SMYD3: variants seen among roughly 807,000 people sequenced by gnomAD.
The protein encoded by SMYD3 is SET and MYND domain containing 3.
SMYD3 carries 36 observed loss-of-function variants against 57.7 expected under a neutral mutation model. The ratio of observed to expected loss-of-function variants is 0.62; its 90% CI spans 0.48 to 0.82. SMYD3 has a LOEUF of 0.82. Among genes scored for constraint, SMYD3 ranks in the 40% least tolerant of loss-of-function variants. SMYD3 has a pLI of 0.00. For missense variants in SMYD3, 515 were observed against 538.8 expected (o/e 0.96, Z 0.44); for synonymous variants, 211 against 195.0 (o/e 1.08, Z -0.68).
At chr1:245,840,955 C>A (rs2362913) in intron 10 of SMYD3, among the ~76,000 whole-genome samples, 82,115 of 152,140 alleles carry the variant, frequency 0.54, 24,783 homozygotes, top group Non-Finnish European at 0.69. Context: ...TAGCTGCGCA[C>A]TTCCAAACTA....
At chr1:246,435,396 G>C (rs1404968663) in intron 1 of SMYD3, among the ~76,000 whole-genome samples, 1 of 151,852 alleles carries the variant, frequency 6.6e-6, no homozygotes, top group Non-Finnish European at 1.5e-5. Context: ...TTTTTCCAAA[G>C]AGGTTTCACG....
intron 8 of SMYD3, among the ~76,000 whole-genome samples, chr1:245,895,456 C>A (rs1323307482): frequency 6.6e-6 from 1 of 152,102 alleles, no homozygotes; most frequent in East Asian, 1.9e-4. Flanking sequence ...ATCATCCCAC[C>A]AGGAGACAGT....
At chr1:246,416,300 T>C (rs1290394756) in intron 1 of SMYD3, among the ~76,000 whole-genome samples, 1 of 152,222 alleles carries the variant, frequency 6.6e-6, no homozygotes, top group Non-Finnish European at 1.5e-5. Context: ...AAAAAAGTTT[T>C]ACATTACAGA....
intron 5 of SMYD3, among the ~76,000 whole-genome samples, chr1:246,066,408 T>A (rs2060340274): frequency 6.6e-6 from 1 of 152,214 alleles, no homozygotes; most frequent in South Asian, 2.1e-4. Context: ...TAAGAATTAG[T>A]CTTCCAATAT....
In SMYD3 at chr1:246,140,121, T is replaced by C. The variant is rs140718892; in HGVS notation, c.531+187080A>G. ...TCAAAAGGATCATGAAGAATGCACA[T>C]ATATACAAATGAGAAGACTTGCCAG... On this transcript the variant is annotated intron_variant, in intron 5 of 11. Transcript: ENST00000490107. 1.3e-4 allele frequency among the ~76,000 whole-genome samples: 20 copies of C among 152,360 alleles called. No individual in the cohort carries two copies. The East Asian group carries it at 3.3e-3, about 25-fold the overall frequency.
At chr1:245,959,868 T>G (rs1165869975) in intron 5 of SMYD3, among the ~76,000 whole-genome samples, 1 of 152,132 alleles carries the variant, frequency 6.6e-6, no homozygotes, top group Non-Finnish European at 1.5e-5. Context: ...GGCCTGGACC[T>G]CCCAGGCTCA....
At chr1:246,382,838 C>T (rs558982345) in intron 1 of SMYD3, among the ~76,000 whole-genome samples, 1 of 152,080 alleles carries the variant, frequency 6.6e-6, no homozygotes, top group Non-Finnish European at 1.5e-5. Flanking sequence ...GGCACCCAGA[C>T]AATCCTAGTG....
At chr1:246,207,090 TA>T (rs1222705042) in intron 5 of SMYD3, among the ~76,000 whole-genome samples, 1 of 152,106 alleles carries the variant, frequency 6.6e-6, no homozygotes, top group African/African-American at 2.4e-5. Flanking sequence ...TCAGATTACC[TA>T]AAATGAACAT....
intron 5 of SMYD3, among the ~76,000 whole-genome samples, chr1:246,285,835 G>A (rs1421875519): frequency 2.0e-5 from 3 of 152,128 alleles, no homozygotes; most frequent in South Asian, 2.1e-4. Context: ...CTAAGGATAC[G>A]AATAGACAAT....
At chr1:245,850,464 C>T (rs1042075243) in intron 10 of SMYD3, among the ~76,000 whole-genome samples, 4 of 151,996 alleles carry the variant, frequency 2.6e-5, no homozygotes, top group Admixed American at 2.0e-4. Context: ...GGCCAAGGTG[C>T]GAGGATCACT....
At chr1:246,134,574 A>G (rs2148080150) in intron 5 of SMYD3, among the ~76,000 whole-genome samples, 1 of 152,242 alleles carries the variant, frequency 6.6e-6, no homozygotes, top group Non-Finnish European at 1.5e-5. Context: ...ATATCTGTAC[A>G]TACATGTGCT....
intron 5 of SMYD3, among the ~76,000 whole-genome samples, chr1:246,221,386 A>T (rs1169398281): frequency 6.6e-6 from 1 of 152,182 alleles, no homozygotes; most frequent in Non-Finnish European, 1.5e-5. Flanking sequence ...GACCCACCGA[A>T]TGGTGAGGCT....
At chr1:246,434,166 A>G (rs567086145) in intron 1 of SMYD3, among the ~76,000 whole-genome samples, 45 of 152,366 alleles carry the variant, frequency 3.0e-4, no homozygotes, top group African/African-American at 9.6e-4. Context: ...CAAGAATCCT[A>G]GAAGAAAACC....
At chr1:246,439,768 C>T (rs759528096) in intron 1 of SMYD3, among the ~76,000 whole-genome samples, 4 of 152,082 alleles carry the variant, frequency 2.6e-5, no homozygotes, top group Non-Finnish European at 4.4e-5. Context: ...TGCAACGTGG[C>T]GAGACCACAT....
intron 5 of SMYD3, among the ~76,000 whole-genome samples, chr1:245,998,966 A>G (rs769980936): frequency 6.6e-6 from 1 of 152,150 alleles, no homozygotes; most frequent in Non-Finnish European, 1.5e-5. Flanking sequence ...GAGACGCAAA[A>G]CAGATTGGTG....
chr1:246,134,912 A>G (rs1256407336), intron 5 of SMYD3, among the ~76,000 whole-genome samples: 1 of 151,616 alleles, frequency 6.6e-6, no homozygotes, highest in Non-Finnish European at 1.5e-5. Context: ...TTACATCCCC[A>G]AGAAAATGTT....
chr1:246,113,184 AAAAT>A (rs61169442), intron 5 of SMYD3, among the ~76,000 whole-genome samples: 22,401 of 145,324 alleles, frequency 0.15, 2,257 homozygotes, highest in East Asian at 0.52. Context: ...TCTGTCTCAA[AAAAT>A]AAATAAATAA....
intron 5 of SMYD3, among the ~76,000 whole-genome samples, chr1:245,942,358 C>T (rs1301284702): frequency 6.6e-6 from 1 of 152,108 alleles, no homozygotes. Flanking sequence ...GACTTTAAAC[C>T]AGCAAAGATC....
rs530227252 is a variant in SMYD3, at chr1:246,446,504, C to G, written c.164+60550G>C. 1.3e-3 allele frequency among the ~76,000 whole-genome samples: 198 copies of G among 152,196 alleles called. 5 individuals are homozygous for G. The highest frequency in any genetic ancestry group is 0.011 in the Admixed American group (171 of 15,282). The stretch of plus-strand genomic sequence containing the variant: ...CCTACTAATCTCTAATAAATGGAAC[C>G]TCCACATCAGAGATATTAGAGGTGC... On this transcript the variant is annotated intron_variant, in intron 1 of 11. Transcript: ENST00000490107.
Sources: gnomAD v4.1 joint callset for allele counts (sites outside exome capture counted in the v4.1 genomes callset) on GRCh38, gnomAD v4.1.1 for gene constraint, MANE v1.5 for transcripts, NCBI Gene and HGNC (gene_info 2026-07-23, HGNC 2026-07-21) for gene names.